CACNA2D3: variants seen among roughly 807,000 people sequenced by gnomAD.
CACNA2D3 encodes calcium voltage-gated channel auxiliary subunit alpha2delta 3.
A neutral mutation model predicts 160.6 loss-of-function variants in CACNA2D3; 60 were observed. The ratio of observed to expected loss-of-function variants is 0.37; its 90% CI spans 0.30 to 0.46. The LOEUF (loss-of-function observed/expected upper bound fraction) is 0.46, where lower values mean the gene tolerates loss of function less well. Among genes scored for constraint, CACNA2D3 ranks in the 20% least tolerant of loss-of-function variants. The pLI, the probability that CACNA2D3 is intolerant of heterozygous loss-of-function variation, is 1.00. For missense variants in CACNA2D3, 1,205 were observed against 1,365.0 expected (o/e 0.88, Z 1.85); for synonymous variants, 558 against 492.9 (o/e 1.13, Z -1.75).
chr3:54,968,003 A>G (rs1461011902), intron 27 of CACNA2D3, among the ~76,000 whole-genome samples: 2 of 152,234 alleles, frequency 1.3e-5, no homozygotes, highest in African/African-American at 4.8e-5. Flanking sequence ...TTCTAGCCTC[A>G]TGACAAGTGC....
chr3:54,827,539 T>G (rs371634856), intron 14 of CACNA2D3, among the ~76,000 whole-genome samples: 9 of 151,524 alleles, frequency 5.9e-5, no homozygotes, highest in African/African-American at 1.9e-4. Context: ...CTAAGCTGTG[T>G]TTTTTTTAAG....
intron 3 of CACNA2D3, among the ~76,000 whole-genome samples, chr3:54,321,421 A>G (rs1443881329): frequency 1.3e-5 from 2 of 152,140 alleles, no homozygotes; most frequent in Admixed American, 6.5e-5. Context: ...AGCTGGGGCT[A>G]CAGGTATGTA....
intron 2 of CACNA2D3, among the ~76,000 whole-genome samples, chr3:54,137,081 C>T (rs768974060): frequency 5.9e-5 from 9 of 152,122 alleles, no homozygotes; most frequent in African/African-American, 9.7e-5. Flanking sequence ...AATCCGTGTG[C>T]GTGGAGGCTG....
chr3:55,052,029 G>C (rs1044059728), intron 35 of CACNA2D3, among the ~76,000 whole-genome samples: 1 of 152,116 alleles, frequency 6.6e-6, no homozygotes, highest in Non-Finnish European at 1.5e-5. Flanking sequence ...AGATGAACCC[G>C]GTACCTCAGA....
intron 2 of CACNA2D3, among the ~76,000 whole-genome samples, chr3:54,249,647 ATC>A (rs908401800): frequency 1.0e-4 from 14 of 137,706 alleles, no homozygotes; most frequent in South Asian, 4.6e-4. Flanking sequence ...CTTAGAACAA[ATC>A]TCTCTGTTTA....
intron 29 of CACNA2D3, among the ~76,000 whole-genome samples, chr3:54,972,109 G>A (rs1492002): frequency 0.51 from 77,859 of 152,038 alleles, 20,393 homozygotes; most frequent in East Asian, 0.73. Context: ...GCAAGTGACA[G>A]TTTCCCCTGG....
intron 11 of CACNA2D3, among the ~76,000 whole-genome samples, chr3:54,699,204 TGCCA>T (rs1575429038): frequency 6.6e-6 from 1 of 152,106 alleles, no homozygotes; most frequent in African/African-American, 2.4e-5. Context: ...TTTGGCCCCA[TGCCA>T]GCCTCTCTCT....
chr3:54,477,308 G>A (rs1219478432), intron 4 of CACNA2D3, among the ~76,000 whole-genome samples: 5 of 151,918 alleles, frequency 3.3e-5, no homozygotes, highest in Non-Finnish European at 5.9e-5. Context: ...AGGTCGTTGC[G>A]GGAAAACTTA....
At chr3:54,247,751 A>G (rs944489843) in intron 2 of CACNA2D3, among the ~76,000 whole-genome samples, 1 of 152,126 alleles carries the variant, frequency 6.6e-6, no homozygotes, top group African/African-American at 2.4e-5. Context: ...TTCAAGAGAA[A>G]TTGCCTGGAA....
At chr3:54,310,943 G>A (rs1025379879) in intron 2 of CACNA2D3, among the ~76,000 whole-genome samples, 1 of 152,172 alleles carries the variant, frequency 6.6e-6, no homozygotes, top group African/African-American at 2.4e-5. Context: ...ATGAGGACTT[G>A]AACGTGGAAC....
At chr3:54,945,399 A>G (rs1026493112) in intron 27 of CACNA2D3, among the ~76,000 whole-genome samples, 1 of 152,110 alleles carries the variant, frequency 6.6e-6, no homozygotes, top group East Asian at 1.9e-4. Context: ...TTCAAATGCC[A>G]TCTCTTTTTT....
intron 2 of CACNA2D3, among the ~76,000 whole-genome samples, chr3:54,133,450 A>G (rs991836683): frequency 2.0e-5 from 3 of 152,204 alleles, no homozygotes; most frequent in Admixed American, 6.5e-5. Context: ...GGGGATTTCT[A>G]GGACCAACCA....
At chr3:54,647,548 TG>T (rs1182948954) in intron 11 of CACNA2D3, among the ~76,000 whole-genome samples, 1 of 152,266 alleles carries the variant, frequency 6.6e-6, no homozygotes, top group Admixed American at 6.5e-5. Context: ...AAGGCAACCC[TG>T]TGTGTCCACT....
chr3:54,832,490 C>T (rs994760020), intron 14 of CACNA2D3, among the ~76,000 whole-genome samples: 1 of 152,200 alleles, frequency 6.6e-6, no homozygotes, highest in Admixed American at 6.5e-5. Flanking sequence ...TGCATTGTTC[C>T]ATTTACCAAT....
At chr3:54,363,393 C>T (rs560594929) in intron 3 of CACNA2D3, among the ~76,000 whole-genome samples, 1 of 152,188 alleles carries the variant, frequency 6.6e-6, no homozygotes, top group Admixed American at 6.5e-5. Context: ...CATATGGGGC[C>T]CCAGTTCCTT....
At chr3:54,488,827 T>C (rs1701060969) in intron 4 of CACNA2D3, among the ~76,000 whole-genome samples, 1 of 152,062 alleles carries the variant, frequency 6.6e-6, no homozygotes, top group South Asian at 2.1e-4. Context: ...CTCAGATAAG[T>C]GTGCGATGAC....
At chr3:54,232,357 G>C (rs1344654275) in intron 2 of CACNA2D3, among the ~76,000 whole-genome samples, 1 of 152,172 alleles carries the variant, frequency 6.6e-6, no homozygotes, top group Non-Finnish European at 1.5e-5. Flanking sequence ...AGTGGGTTGG[G>C]TGGTAGTATT....
chr3:54,165,107 G>C (rs1700425245), intron 2 of CACNA2D3, among the ~76,000 whole-genome samples: 1 of 132,722 alleles, frequency 7.5e-6, no homozygotes, highest in African/African-American at 2.9e-5. Context: ...TGACTTCTCT[G>C]AATCTCATTT....
chr3:54,356,022 A>G (rs1267840713), intron 3 of CACNA2D3, among the ~76,000 whole-genome samples: 3 of 151,458 alleles, frequency 2.0e-5, no homozygotes, highest in Non-Finnish European at 4.4e-5. Flanking sequence ...TGGCTGGACC[A>G]ACCACATCCT....
Sources: allele counts gnomAD v4.1 joint callset (sites outside exome capture counted in the v4.1 genomes callset), GRCh38; gene constraint gnomAD v4.1.1; transcripts MANE v1.5; gene names NCBI Gene and HGNC (gene_info 2026-07-23, HGNC 2026-07-21).